IRAK2: variants seen among roughly 807,000 people sequenced by gnomAD.
IRAK2 encodes interleukin-1 receptor-associated kinase-like 2.
In IRAK2, 57 loss-of-function variants were observed where a neutral mutation model predicts 72.0. The ratio of observed to expected loss-of-function variants is 0.79; its 90% CI spans 0.64 to 0.99. The LOEUF (loss-of-function observed/expected upper bound fraction) is 0.99. Ranked by LOEUF, IRAK2 falls within the 50% of genes least tolerant of loss-of-function variation. IRAK2 has a pLI of 0.00. For synonymous variants in IRAK2, 293 were observed against 312.7 expected (o/e 0.94, Z 0.67); for missense variants, 790 against 794.4 (o/e 0.99, Z 0.07).
intron 7 of IRAK2, among the ~76,000 whole-genome samples, chr3:10,217,663 A>G (rs553512112): frequency 6.6e-6 from 1 of 152,356 alleles, no homozygotes; most frequent in Middle Eastern, 3.4e-3. Context: ...CAAACTTACT[A>G]TTAGAGTATT....
chr3:10,185,513 G>A (rs1268416808), intron 2 of IRAK2, among the ~76,000 whole-genome samples: 1 of 130,086 alleles, frequency 7.7e-6, no homozygotes, highest in Non-Finnish European at 1.5e-5. Flanking sequence ...AGCCAAGATC[G>A]CACCATTGTA....
chr3:10,176,239 G>A (rs1288058591), intron 1 of IRAK2, among the ~76,000 whole-genome samples: 1 of 152,068 alleles, frequency 6.6e-6, no homozygotes, highest in Non-Finnish European at 1.5e-5. Context: ...CCTTATAACA[G>A]TTCTGTGAAG....
rs1345672555 is a variant in IRAK2 at position 10,213,198 on chromosome 3, G to A, written c.529-9G>A. 3 of 1,612,238 alleles carry A rather than the reference G, an allele frequency of 1.9e-6. No homozygotes were observed. The highest frequency in any genetic ancestry group is 2.5e-6 in the Non-Finnish European group (3 of 1,178,634). On this transcript the variant is annotated splice_polypyrimidine_tract_variant and intron_variant, in intron 4 of 12. Coordinates refer to ENST00000256458, the MANE Select transcript of IRAK2 (RefSeq NM_001570.4). Reference sequence around the variant, plus strand: ...TAGTAATCTCCATCTCTTCTCTCTGGGTCTCCAGGACTTCAGCACCTCCAT... The same window carrying A: ...TAGTAATCTCCATCTCTTCTCTCTGAGTCTCCAGGACTTCAGCACCTCCAT...
intron 2 of IRAK2, among the ~76,000 whole-genome samples, chr3:10,187,087 G>T (rs142794734): frequency 1.3e-5 from 2 of 150,994 alleles, no homozygotes; most frequent in Admixed American, 6.6e-5. Context: ...TGTTGCTCAA[G>T]AAGTTTTGGA....
intron 6 of IRAK2, among the ~76,000 whole-genome samples, chr3:10,215,124 C>T (rs1697581820): frequency 6.6e-6 from 1 of 151,524 alleles, no homozygotes; most frequent in Non-Finnish European, 1.5e-5. Flanking sequence ...TGGTGGCTCA[C>T]ACCTGTAATG....
At chr3:10,234,402 G>T (rs1450529546) in intron 10 of IRAK2, 57 bp from the exon 11 acceptor site, 11 of 1,487,340 alleles carry the variant, frequency 7.4e-6, no homozygotes, top group Non-Finnish European at 1.0e-5. Flanking sequence ...GGGCGCGTGC[G>T]TTGGCTCTCG....
chr3:10,173,730 CAGG>C (rs1250822871), intron 1 of IRAK2, among the ~76,000 whole-genome samples: 1 of 152,106 alleles, frequency 6.6e-6, no homozygotes, highest in Middle Eastern at 3.2e-3. Flanking sequence ...GAGGCTGAGG[CAGG>C]AGAATTGCTT....
At position 10,242,153 on chromosome 3, in the gene IRAK2, C is replaced by T. The variant is rs367571127; in HGVS notation, c.1803C>T (p.Ala601=). ...ETSWQIEINE[A]KRKLMENILL... is the part of the protein sequence containing the mutation. ...CGTGGCAAATTGAGATCAATGAGGC[C>T]AAAAGGAAACTGATGGAGAATATTC... The change falls in exon 13 of 13, where the codon GCC becomes GCT. Residue 601 remains alanine, a synonymous_variant. Coordinates refer to ENST00000256458, the MANE Select transcript of IRAK2 (RefSeq NM_001570.4). The T allele has an allele frequency of 5.0e-6, 8 of 1,613,462 alleles. No homozygotes were observed. Among genetic ancestry groups the T allele is most frequent in the South Asian group, 1.1e-5 (1 of 91,018 alleles).
At chr3:10,238,132 G>A (rs559095068) in intron 11 of IRAK2, among the ~76,000 whole-genome samples, 4 of 152,022 alleles carry the variant, frequency 2.6e-5, no homozygotes, top group Non-Finnish European at 5.9e-5. Context: ...ACAGACATAG[G>A]GAGGGGGAAG....
At position 10,202,755 on chromosome 3, in the gene IRAK2, G is replaced by A. The variant is rs900129247; in HGVS notation, c.424+2240G>A. Among the ~76,000 whole-genome samples, 18 of 142,510 alleles carry A rather than the reference G, an allele frequency of 1.3e-4. 1 individual carries two copies. Among genetic ancestry groups the A allele is most frequent in the African/African-American group, 1.8e-4 (7 of 38,022 alleles). 93.5% of individuals were successfully genotyped at this position (142,510 alleles called of 152,430 possible). ...TGCCCAGGCTAGGTGACGGTGGCAC[G>A]GTCATAGCTCACTGCAGCCTCAACT... is the stretch of plus-strand genomic sequence containing the variant. On this transcript the variant is annotated intron_variant, in intron 3 of 12. Transcript: ENST00000256458.
At chr3:10,178,050 G>C in intron 2 of IRAK2, 30 bp downstream of exon 2, 2 of 1,543,882 alleles carry the variant, frequency 1.3e-6, no homozygotes, top group Non-Finnish European at 1.8e-6. Context: ...CCTTGAGTGG[G>C]GCCCATCACG....
chr3:10,208,174 A>T (rs746395191), intron 3 of IRAK2, among the ~76,000 whole-genome samples: 6 of 151,798 alleles, frequency 4.0e-5, no homozygotes, highest in African/African-American at 1.2e-4. Flanking sequence ...GCCTTGGCCA[A>T]AGGCCAAGGC....
intron 11 of IRAK2, among the ~76,000 whole-genome samples, chr3:10,235,761 A>G (rs1697946289): frequency 6.6e-6 from 1 of 152,180 alleles, no homozygotes. Context: ...ACAGAAGGGC[A>G]AGTGAAGGGC....
At chr3:10,182,397 C>T (rs1373678632) in intron 2 of IRAK2, among the ~76,000 whole-genome samples, 2 of 151,976 alleles carry the variant, frequency 1.3e-5, no homozygotes, top group African/African-American at 4.8e-5. Context: ...ATTCTCCTGC[C>T]TCAGCCTCCC....
At chr3:10,210,117 C>G (rs1165766471) in intron 4 of IRAK2, among the ~76,000 whole-genome samples, 1 of 152,140 alleles carries the variant, frequency 6.6e-6, no homozygotes, top group Non-Finnish European at 1.5e-5. Flanking sequence ...GACGGGGTCT[C>G]ACCATGTTGG....
intron 1 of IRAK2, among the ~76,000 whole-genome samples, chr3:10,176,522 G>A (rs1000303239): frequency 6.6e-6 from 1 of 151,946 alleles, no homozygotes; most frequent in South Asian, 2.1e-4. Context: ...CTGTCTCCCA[G>A]GCTGGAGTGC....
At chr3:10,172,957 G>T (rs374956606) in intron 1 of IRAK2, among the ~76,000 whole-genome samples, 4 of 151,736 alleles carry the variant, frequency 2.6e-5, no homozygotes, top group Non-Finnish European at 4.4e-5. Context: ...GGGATTACAG[G>T]CGTGAGCCAC....
intron 2 of IRAK2, among the ~76,000 whole-genome samples, chr3:10,193,202 CAG>C (rs1291875946): frequency 6.6e-6 from 1 of 152,198 alleles, no homozygotes; most frequent in Non-Finnish European, 1.5e-5. Flanking sequence ...TGAACCATGA[CAG>C]GGGCACAGAG....
At chr3:10,234,714 T>C in intron 11 of IRAK2, 55 bp downstream of exon 11, 3 of 1,496,966 alleles carry the variant, frequency 2.0e-6, no homozygotes, top group Non-Finnish European at 2.8e-6. Flanking sequence ...GTCCACCTCA[T>C]CGGGGACGGC....
Sources: allele counts gnomAD v4.1 joint callset (sites outside exome capture counted in the v4.1 genomes callset), GRCh38; gene constraint gnomAD v4.1.1; transcripts MANE v1.5; gene names NCBI Gene and HGNC (gene_info 2026-07-23, HGNC 2026-07-21).